WIPI2: variants seen among roughly 807,000 people sequenced by gnomAD.
WIPI2 encodes WD repeat domain, phosphoinositide interacting 2, also known as WD repeat domain phosphoinositide-interacting protein 2.
In WIPI2, 28 loss-of-function variants were observed where a neutral mutation model predicts 52.3. That is an observed-to-expected ratio of 0.54 (90% CI 0.40 to 0.73). WIPI2 has a LOEUF of 0.73. Among genes scored for constraint, WIPI2 ranks in the 30% least tolerant of loss-of-function variants. The pLI, the probability that WIPI2 is intolerant of heterozygous loss-of-function variation, is 0.00. For missense variants in WIPI2, 506 were observed against 602.9 expected (o/e 0.84, Z 1.68); for synonymous variants, 268 against 245.0 (o/e 1.09, Z -0.88).
At chr7:5,220,133 GC>G (rs1783036186) in intron 7 of WIPI2, among the ~76,000 whole-genome samples, 1 of 151,940 alleles carries the variant, frequency 6.6e-6, no homozygotes, top group Non-Finnish European at 1.5e-5. Context: ...ACTGTGCCTG[GC>G]CTATATTCTG....
At chr7:5,192,010 G>A (rs1322886429) in intron 1 of WIPI2, among the ~76,000 whole-genome samples, 1 of 152,168 alleles carries the variant, frequency 6.6e-6, no homozygotes, top group African/African-American at 2.4e-5. Context: ...GTGGAATCTC[G>A]CCTCCTGAGC....
chr7:5,213,341 G>A (rs1440713242), intron 3 of WIPI2: 1 of 152,376 alleles, frequency 6.6e-6, no homozygotes, highest in Admixed American at 6.5e-5. Context: ...AAGAGCTTAG[G>A]ATGATGTACT....
intron 3 of WIPI2, among the ~76,000 whole-genome samples, chr7:5,205,523 T>C (rs1425155846): frequency 6.6e-6 from 1 of 152,124 alleles, no homozygotes; most frequent in Non-Finnish European, 1.5e-5. Flanking sequence ...CCGTCACACT[T>C]AGTTTCTGTC....
At chr7:5,191,258 G>A (rs1261910944) in intron 1 of WIPI2, among the ~76,000 whole-genome samples, 6 of 152,130 alleles carry the variant, frequency 3.9e-5, no homozygotes, top group African/African-American at 1.4e-4. Context: ...CTGACCTCAA[G>A]TGATCCGCCC....
intron 3 of WIPI2, among the ~76,000 whole-genome samples, chr7:5,212,617 T>C (rs534066685): frequency 6.6e-5 from 10 of 152,246 alleles, no homozygotes; most frequent in African/African-American, 1.9e-4. Flanking sequence ...CATTGCAGCC[T>C]CAACCTCCTG....
At chr7:5,213,976 C>T (rs931430958) in intron 3 of WIPI2, among the ~76,000 whole-genome samples, 2 of 152,214 alleles carry the variant, frequency 1.3e-5, no homozygotes, top group African/African-American at 2.4e-5. Flanking sequence ...TGAGCCACCG[C>T]GCCCGGCCCC....
At chr7:5,229,219 G>C (rs1378293528) in intron 11 of WIPI2, among the ~76,000 whole-genome samples, 3 of 152,068 alleles carry the variant, frequency 2.0e-5, no homozygotes, top group Non-Finnish European at 2.9e-5. Flanking sequence ...GTTTCACTGT[G>C]TTAGCCAGGA....
At chr7:5,225,172 A>T (rs1783362689) in intron 8 of WIPI2, among the ~76,000 whole-genome samples, 1 of 150,164 alleles carries the variant, frequency 6.7e-6, no homozygotes, top group African/African-American at 2.5e-5. Flanking sequence ...ACAGAGTCTC[A>T]CTCTGTCGCC....
At chr7:5,195,576 A>G (rs927303954) in intron 2 of WIPI2, among the ~76,000 whole-genome samples, 1 of 152,266 alleles carries the variant, frequency 6.6e-6, no homozygotes, top group African/African-American at 2.4e-5. Context: ...TGTATTAGGG[A>G]AAATCTCCTA....
At chr7:5,225,171 C>A (rs1439593053) in intron 8 of WIPI2, among the ~76,000 whole-genome samples, 2 of 151,448 alleles carry the variant, frequency 1.3e-5, no homozygotes, top group African/African-American at 4.9e-5. Context: ...GACAGAGTCT[C>A]ACTCTGTCGC....
chr7:5,224,265 C>G (rs1287365659), intron 8 of WIPI2, among the ~76,000 whole-genome samples: 2 of 152,240 alleles, frequency 1.3e-5, no homozygotes, highest in African/African-American at 4.8e-5. Flanking sequence ...TTCTGTAACC[C>G]TGGGAGTCCA....
rs949145060 is a variant in WIPI2 at position 5,233,002 on chromosome 7, C to T, written c.*2055C>T. On this transcript the variant is annotated 3_prime_UTR_variant, in exon 13 of 13. Transcript: ENST00000288828. ...GATGAGGCAGTTGCAGAGGAGGCCTCGGACGTCCTGTGACCCTCGGCCCAC... is the reference window on the plus strand; with the variant it reads ...GATGAGGCAGTTGCAGAGGAGGCCTTGGACGTCCTGTGACCCTCGGCCCAC... The T allele has an allele frequency of 1.3e-5, 2 of 152,280 alleles. No individual in the cohort carries two copies. Among genetic ancestry groups the T allele is most frequent in the African/African-American group, 4.8e-5 (2 of 41,452 alleles). The allele number at this position is 152,280 out of a possible 1,614,324, so 9.4% of individuals were successfully genotyped here. A position where few individuals can be genotyped will look rare whatever the true frequency, so the allele number is the denominator to read the frequency against.
At chr7:5,224,688 A>C (rs960347310) in intron 8 of WIPI2, among the ~76,000 whole-genome samples, 1 of 152,118 alleles carries the variant, frequency 6.6e-6, no homozygotes, top group Non-Finnish European at 1.5e-5. Flanking sequence ...GGGCCACAAG[A>C]TCAGATGAGC....
At chr7:5,193,815 C>T (rs909970416) in intron 2 of WIPI2, among the ~76,000 whole-genome samples, 2 of 152,126 alleles carry the variant, frequency 1.3e-5, no homozygotes, top group African/African-American at 2.4e-5. Flanking sequence ...TGGCCTCATG[C>T]GATCTTCCTG....
intron 3 of WIPI2, among the ~76,000 whole-genome samples, chr7:5,210,446 A>G (rs1320943033): frequency 6.6e-6 from 1 of 151,944 alleles, no homozygotes; most frequent in African/African-American, 2.4e-5. Context: ...CATCTCATAC[A>G]CGGTCTTGGC....
intron 3 of WIPI2, among the ~76,000 whole-genome samples, chr7:5,203,649 T>C (rs866848483): frequency 6.7e-6 from 1 of 148,754 alleles, no homozygotes; most frequent in Non-Finnish European, 1.5e-5. Context: ...TTTTTTTTTT[T>C]TGAGACGGAG....
At chr7:5,213,677 GTTGTTGTTGT>G (rs1349461263) in intron 3 of WIPI2, among the ~76,000 whole-genome samples, 2 of 44,344 alleles carry the variant, frequency 4.5e-5, no homozygotes, top group Middle Eastern at 0.01. Flanking sequence ...TGTTGTTGTT[GTTGTTGTTGT>G]TGTTGTTGTT....
At chr7:5,222,748 C>G in intron 8 of WIPI2, 76 bp downstream of exon 8, 2 of 1,406,540 alleles carry the variant, frequency 1.4e-6, no homozygotes, top group Non-Finnish European at 2.0e-6. Context: ...TATGAACAAA[C>G]AAGTAGAACC....
rs192928483 is a variant in WIPI2, at chr7:5,213,708, T to C, written c.212-827T>C. 4.2e-3 allele frequency among the ~76,000 whole-genome samples: 642 copies of C among 152,134 alleles called. 13 individuals are homozygous for C. Among genetic ancestry groups the C allele is most frequent in the East Asian group, 2.7e-3 (14 of 5,168 alleles). The stretch of plus-strand genomic sequence containing the variant: ...GTTGTTGTTGTTGTTGTTTTTGAGA[T>C]GGAGTCTCGCTCTGTGGCCCAGGCT... On this transcript the variant is annotated intron_variant, in intron 3 of 12. Coordinates refer to ENST00000288828, the MANE Select transcript of WIPI2 (RefSeq NM_015610.4).
Sources: allele counts gnomAD v4.1 joint callset (sites outside exome capture counted in the v4.1 genomes callset), GRCh38; gene constraint gnomAD v4.1.1; transcripts MANE v1.5; gene names NCBI Gene and HGNC (gene_info 2026-07-23, HGNC 2026-07-21).